SWT1: variants seen among roughly 807,000 people sequenced by gnomAD.
SWT1 encodes transcriptional protein SWT1.
Under a neutral mutation model 107.3 loss-of-function variants are expected in SWT1, and 33 were observed. The ratio of observed to expected loss-of-function variants is 0.31; its 90% CI spans 0.23 to 0.41. The LOEUF (loss-of-function observed/expected upper bound fraction) is 0.41. Ranked by LOEUF, SWT1 falls within the 10% of genes least tolerant of loss-of-function variation. The pLI is 1.00. For missense variants in SWT1, 898 were observed against 1,028.9 expected (o/e 0.87, Z 1.74); for synonymous variants, 345 against 348.3 (o/e 0.99, Z 0.11).
chr1:185,274,223 A>T (rs1256525699), intron 17 of SWT1, among the ~76,000 whole-genome samples: 1 of 149,332 alleles, frequency 6.7e-6, no homozygotes, highest in Non-Finnish European at 1.5e-5. Context: ...GAATATGTAG[A>T]TCTAAGAATC....
chr1:185,171,086 T>A (rs1655015322), intron 4 of SWT1, among the ~76,000 whole-genome samples: 1 of 152,090 alleles, frequency 6.6e-6, no homozygotes, highest in South Asian at 2.1e-4. Flanking sequence ...ACCTGCCCAA[T>A]GGTTGTCAGT....
chr1:185,192,234 C>T (rs1657015273), intron 10 of SWT1, among the ~76,000 whole-genome samples: 1 of 152,218 alleles, frequency 6.6e-6, no homozygotes, highest in Admixed American at 6.5e-5. Flanking sequence ...ATATATTCAA[C>T]TATTTATTTG....
intron 10 of SWT1, among the ~76,000 whole-genome samples, chr1:185,192,221 C>G (rs1657014359): frequency 6.6e-6 from 1 of 152,164 alleles, no homozygotes; most frequent in Non-Finnish European, 1.5e-5. Flanking sequence ...AAACTCCAGG[C>G]TAATATATTC....
intron 16 of SWT1, among the ~76,000 whole-genome samples, chr1:185,249,003 G>A (rs1217438042): frequency 6.6e-6 from 1 of 152,074 alleles, no homozygotes; most frequent in Non-Finnish European, 1.5e-5. Context: ...AATGTTTTGG[G>A]AGTTGACTAG....
chr1:185,213,439 CCATTA>C (rs555580461), intron 13 of SWT1, among the ~76,000 whole-genome samples: 280 of 152,298 alleles, frequency 1.8e-3, no homozygotes, highest in African/African-American at 6.4e-3. Flanking sequence ...TTGGCTACAA[CCATTA>C]CATTAGATTA....
At chr1:185,196,323 C>G (rs184301991) in intron 10 of SWT1, among the ~76,000 whole-genome samples, 1 of 152,162 alleles carries the variant, frequency 6.6e-6, no homozygotes, top group East Asian at 1.9e-4. Context: ...TCTGAGGCCT[C>G]TGTTCTGTTC....
At chr1:185,264,420 G>A in intron 16 of SWT1, 1 of 984,836 alleles carries the variant, frequency 1.0e-6, no homozygotes, top group Non-Finnish European at 1.2e-6. Context: ...TGAATTGAAT[G>A]TTCATTTGGT....
intron 10 of SWT1, among the ~76,000 whole-genome samples, chr1:185,198,199 G>C (rs547280925): frequency 6.6e-6 from 1 of 151,972 alleles, no homozygotes; most frequent in African/African-American, 2.4e-5. Flanking sequence ...TTATTTACTC[G>C]GTAGTCATTC....
intron 14 of SWT1, among the ~76,000 whole-genome samples, chr1:185,219,605 G>A (rs1222700993): frequency 6.6e-6 from 1 of 152,094 alleles, no homozygotes; most frequent in Non-Finnish European, 1.5e-5. Context: ...TTATAGTAGA[G>A]CCAAGACCAA....
At chr1:185,265,329 A>AT (rs1663295993) in intron 16 of SWT1, among the ~76,000 whole-genome samples, 1 of 152,134 alleles carries the variant, frequency 6.6e-6, no homozygotes, top group South Asian at 2.1e-4. Flanking sequence ...GCTAGCTCTC[A>AT]TTTGCATAGC....
intron 16 of SWT1, among the ~76,000 whole-genome samples, chr1:185,261,940 A>AATAG (rs1292208839): frequency 6.6e-6 from 1 of 152,192 alleles, no homozygotes; most frequent in African/African-American, 2.4e-5. Context: ...ATGAGGCAGT[A>AATAG]ATAGGCTTGT....
chr1:185,189,352 C>A (rs1235905383), intron 9 of SWT1, among the ~76,000 whole-genome samples: 1 of 152,150 alleles, frequency 6.6e-6, no homozygotes, highest in African/African-American at 2.4e-5. Flanking sequence ...AGAGGGTACC[C>A]TGTCAGCAGC....
At chr1:185,193,102 A>G (rs1657096493) in intron 10 of SWT1, among the ~76,000 whole-genome samples, 1 of 152,060 alleles carries the variant, frequency 6.6e-6, no homozygotes, top group Admixed American at 6.6e-5. Flanking sequence ...TTTTCGTTCT[A>G]TTCAATATAC....
intron 10 of SWT1, among the ~76,000 whole-genome samples, chr1:185,199,462 A>G (rs762928054): frequency 2.6e-5 from 4 of 152,164 alleles, no homozygotes; most frequent in African/African-American, 4.8e-5. Flanking sequence ...AGAATCTCAC[A>G]GCATTTGCTT....
At chr1:185,164,286 A>G (rs1387857432) in intron 2 of SWT1, among the ~76,000 whole-genome samples, 3 of 152,092 alleles carry the variant, frequency 2.0e-5, no homozygotes, top group Non-Finnish European at 4.4e-5. Context: ...TTTCTAGAGC[A>G]CAGGCAGAGT....
At chr1:185,276,045 T>C (rs944214703) in intron 17 of SWT1, among the ~76,000 whole-genome samples, 1 of 152,194 alleles carries the variant, frequency 6.6e-6, no homozygotes, top group Admixed American at 6.5e-5. Context: ...TTTCAGATTC[T>C]TCCCTGCATA....
chr1:185,189,740 T>A (rs1341036454), intron 9 of SWT1, among the ~76,000 whole-genome samples: 2 of 151,816 alleles, frequency 1.3e-5, no homozygotes, highest in Admixed American at 6.6e-5. Context: ...TTCAGAGTTT[T>A]AAAAAAATTA....
At chr1:185,223,589 A>G (rs1418396234) in intron 15 of SWT1, among the ~76,000 whole-genome samples, 1 of 152,150 alleles carries the variant, frequency 6.6e-6, no homozygotes, top group Non-Finnish European at 1.5e-5. Context: ...AGCATTTTTT[A>G]TATACCTGGT....
At chr1:185,257,657 C>G (rs1329302266) in intron 16 of SWT1, among the ~76,000 whole-genome samples, 1 of 152,232 alleles carries the variant, frequency 6.6e-6, no homozygotes, top group African/African-American at 2.4e-5. Context: ...GGTGCGCGCA[C>G]CCACTGACCT....
Sources: gnomAD v4.1 joint callset for allele counts (sites outside exome capture counted in the v4.1 genomes callset) on GRCh38, gnomAD v4.1.1 for gene constraint, MANE v1.5 for transcripts, NCBI Gene and HGNC (gene_info 2026-07-23, HGNC 2026-07-21) for gene names.